EPC2: variants seen among roughly 807,000 people sequenced by gnomAD.
EPC2 encodes enhancer of polycomb 2.
Under a neutral mutation model 92.1 loss-of-function variants are expected in EPC2, and 14 were observed. That is an observed-to-expected ratio of 0.15 (90% confidence interval 0.10 to 0.24). EPC2 has a LOEUF of 0.24. Among genes scored for constraint, EPC2 ranks in the 10% least tolerant of loss-of-function variants. EPC2 has a pLI of 1.00. For synonymous variants in EPC2, 340 were observed against 334.7 expected (o/e 1.02, Z -0.17); for missense variants, 755 against 971.5 (o/e 0.78, Z 2.96).
intron 1 of EPC2, among the ~76,000 whole-genome samples, chr2:148,674,840 T>A (rs956672152): frequency 2.0e-5 from 3 of 152,220 alleles, no homozygotes; most frequent in Non-Finnish European, 4.4e-5. Flanking sequence ...CTTTTTGGAC[T>A]GTATATTGTA....
At chr2:148,750,242 C>T (rs1683061636) in intron 3 of EPC2, among the ~76,000 whole-genome samples, 1 of 152,060 alleles carries the variant, frequency 6.6e-6, no homozygotes, top group Non-Finnish European at 1.5e-5. Flanking sequence ...CTAAAATAGT[C>T]ATCTCAAGCA....
At chr2:148,690,067 A>G (rs1263239839) in intron 1 of EPC2, 147 bp from the exon 2 acceptor site, 3 of 673,240 alleles carry the variant, frequency 4.5e-6, no homozygotes, top group Non-Finnish European at 4.7e-6. Context: ...AATGATGACA[A>G]TGTAACTGTA....
At chr2:148,652,193 C>A (rs1486374106) in intron 1 of EPC2, among the ~76,000 whole-genome samples, 1 of 152,002 alleles carries the variant, frequency 6.6e-6, no homozygotes, top group Non-Finnish European at 1.5e-5. Context: ...GAAGTGTTAC[C>A]CTCTCAGCTG....
rs181519351 is a variant in EPC2 at position 148,770,565 on chromosome 2, T to G, written c.1231-227T>G. On this transcript the variant is annotated intron_variant, in intron 8 of 13. Transcript: ENST00000258484. ...AATAGACCCTAAATGAATTTATATTTACAAACTAAATTCAGTTTTGGTAAT... is the reference window on the plus strand; with the variant it reads ...AATAGACCCTAAATGAATTTATATTGACAAACTAAATTCAGTTTTGGTAAT... Among the ~76,000 whole-genome samples the G allele has an allele frequency of 2.1e-3, 316 of 152,326 alleles. 2 individuals carry two copies. The highest frequency in any genetic ancestry group is 7.2e-3 in the African/African-American group (301 of 41,560).
chr2:148,718,842 T>C (rs1187950071), intron 2 of EPC2, among the ~76,000 whole-genome samples: 1 of 152,226 alleles, frequency 6.6e-6, no homozygotes, highest in Non-Finnish European at 1.5e-5. Flanking sequence ...TTTTTCAACT[T>C]GGTTCCAACT....
At chr2:148,666,411 C>T (rs897649542) in intron 1 of EPC2, among the ~76,000 whole-genome samples, 1 of 152,006 alleles carries the variant, frequency 6.6e-6, no homozygotes, top group Non-Finnish European at 1.5e-5. Flanking sequence ...CCCAAAGTGC[C>T]GGGATTACGG....
chr2:148,737,905 C>T lies in EPC2; in HGVS notation c.314-5717C>T, dbSNP rs1057456343. 3.9e-5 allele frequency among the ~76,000 whole-genome samples: 6 copies of T among 152,104 alleles called. No homozygotes were observed. In the South Asian group the frequency reaches 8.3e-4, roughly 21 times the overall value. On this transcript the variant is annotated intron_variant, in intron 2 of 13. Transcript: ENST00000258484. ...ATTCAAAGCTGTCCTGGGCTGCATG[C>T]GGCCCGTGGGCCATGAGCTGGAGAA...
intron 1 of EPC2, among the ~76,000 whole-genome samples, chr2:148,667,975 C>T (rs901966333): frequency 1.3e-5 from 2 of 151,960 alleles, no homozygotes; most frequent in Admixed American, 1.3e-4. Context: ...CTCGGCTCAC[C>T]ACGACCTCTG....
intron 10 of EPC2, among the ~76,000 whole-genome samples, chr2:148,777,907 G>C (rs1400775701): frequency 6.6e-6 from 1 of 152,180 alleles, no homozygotes; most frequent in Non-Finnish European, 1.5e-5. Flanking sequence ...GTGAAAAACA[G>C]ACTGTTCTGT....
At chr2:148,678,048 C>CCCCG (rs1473724273) in intron 1 of EPC2, among the ~76,000 whole-genome samples, 2 of 152,196 alleles carry the variant, frequency 1.3e-5, no homozygotes, top group African/African-American at 2.4e-5. Flanking sequence ...TGGCCCCACC[C>CCCCG]ACATCCTGCT....
intron 6 of EPC2, among the ~76,000 whole-genome samples, chr2:148,764,577 T>C (rs1238737464): frequency 6.6e-6 from 1 of 152,206 alleles, no homozygotes; most frequent in Non-Finnish European, 1.5e-5. Context: ...AGTAAACTCA[T>C]GATCCAGTTG....
At chr2:148,728,619 A>G (rs571743394) in intron 2 of EPC2, among the ~76,000 whole-genome samples, 2 of 151,788 alleles carry the variant, frequency 1.3e-5, no homozygotes, top group African/African-American at 4.8e-5. Context: ...AGTCCCAGCT[A>G]TTTGGGAGGC....
Position 148,644,953 on chromosome 2 carries a change from T to A in EPC2, c.-65T>A. On this transcript the variant is annotated 5_prime_UTR_variant, in exon 1 of 14. Coordinates refer to ENST00000258484, the MANE Select transcript of EPC2 (RefSeq NM_015630.4). The stretch of plus-strand genomic sequence containing the variant: ...AAGGAGGTGGAGGAGGCGGCGGGAG[T>A]CCTCCCCCCCTCCCCGCCCGCCCCG... 2.2e-6 allele frequency: 3 copies of A among 1,359,564 alleles called. No individual in the cohort carries two copies. Among genetic ancestry groups the A allele is most frequent in the Non-Finnish European group, 3.1e-6 (3 of 982,628 alleles). The allele number at this position is 1,359,564 out of a possible 1,614,324, so 84.2% of individuals were successfully genotyped here.
intron 2 of EPC2, among the ~76,000 whole-genome samples, chr2:148,695,958 C>T (rs1027724547): frequency 6.6e-6 from 1 of 152,194 alleles, no homozygotes; most frequent in African/African-American, 2.4e-5. Flanking sequence ...GGAATAAGGC[C>T]AGCCCCTGAG....
intron 12 of EPC2, 109 bp from the exon 13 acceptor site, chr2:148,784,559 A>T (rs1161576330): frequency 2.1e-5 from 18 of 844,394 alleles, no homozygotes; most frequent in African/African-American, 3.4e-5. Flanking sequence ...TGAAAAGTTA[A>T]CTTGGCATTC....
intron 3 of EPC2, among the ~76,000 whole-genome samples, chr2:148,752,404 A>G (rs1370136083): frequency 6.6e-6 from 1 of 152,130 alleles, no homozygotes; most frequent in Non-Finnish European, 1.5e-5. Context: ...ACTGGGGTTG[A>G]CATCACCATT....
At chr2:148,674,930 G>A (rs1048677621) in intron 1 of EPC2, among the ~76,000 whole-genome samples, 6 of 152,248 alleles carry the variant, frequency 3.9e-5, no homozygotes, top group African/African-American at 1.2e-4. Context: ...TTGTAACTTC[G>A]TAGTCTTTTG....
At position 148,644,889 on chromosome 2, in the gene EPC2, G is replaced by C; in HGVS notation, c.-129G>C. On this transcript the variant is annotated 5_prime_UTR_variant, in exon 1 of 14. Transcript: ENST00000258484. ...CGCCCATGCTGTGGCCGGGGGCAGT[G>C]AGGAGGAGGAGGAGCGGGCCGGCCG... 1 of 664,256 alleles carries C rather than the reference G, an allele frequency of 1.5e-6. No homozygotes were observed. The highest frequency in any genetic ancestry group is 2.4e-6 in the Non-Finnish European group (1 of 412,778). 41.1% of individuals were successfully genotyped at this position (664,256 alleles called of 1,614,324 possible).
intron 6 of EPC2, among the ~76,000 whole-genome samples, chr2:148,763,144 C>G (rs1463329219): frequency 6.6e-6 from 1 of 152,148 alleles, no homozygotes; most frequent in African/African-American, 2.4e-5. Flanking sequence ...GTTATTATCA[C>G]TAGCCTTAGC....
Sources: gnomAD v4.1 joint callset for allele counts (sites outside exome capture counted in the v4.1 genomes callset) on GRCh38, gnomAD v4.1.1 for gene constraint, MANE v1.5 for transcripts, NCBI Gene and HGNC (gene_info 2026-07-23, HGNC 2026-07-21) for gene names.